HLCS: variants seen among roughly 807,000 people sequenced by gnomAD.
The protein encoded by HLCS is holocarboxylase synthetase, also known as biotin--protein ligase.
HLCS carries 53 observed loss-of-function variants against 75.0 expected under a neutral mutation model. The observed-to-expected ratio is 0.71, with a 90% CI of 0.57 to 0.89. The LOEUF is 0.89. HLCS is among the 40% of genes least tolerant of loss of function. The pLI is 0.00. For missense variants in HLCS, 966 were observed against 1,074.0 expected (o/e 0.90, Z 1.41); for synonymous variants, 431 against 428.6 (o/e 1.01, Z -0.07).
At chr21:36,951,823 T>G (rs1410480617) in intron 2 of HLCS, among the ~76,000 whole-genome samples, 1 of 152,252 alleles carries the variant, frequency 6.6e-6, no homozygotes, top group African/African-American at 2.4e-5. Flanking sequence ...TATTGAAAAC[T>G]GAGCTGAATC....
intron 7 of HLCS, 63 bp from the exon 8 acceptor site, chr21:36,765,235 T>C: frequency 6.8e-7 from 1 of 1,478,040 alleles, no homozygotes; most frequent in Non-Finnish European, 9.5e-7. Context: ...CAGACACACG[T>C]CATGCCAGGG....
chr21:36,822,524 A>C (rs2061877804), intron 6 of HLCS, among the ~76,000 whole-genome samples: 1 of 152,166 alleles, frequency 6.6e-6, no homozygotes, highest in African/African-American at 2.4e-5. Flanking sequence ...TTTTTAAATA[A>C]ACTTTTATTT....
At chr21:36,928,105 G>A (rs182835735) in intron 5 of HLCS, among the ~76,000 whole-genome samples, 12 of 152,316 alleles carry the variant, frequency 7.9e-5, no homozygotes, top group Admixed American at 2.6e-4. Context: ...GTGACTAGAT[G>A]CAGGAGGAAT....
At chr21:36,778,761 T>C (rs945636175) in intron 6 of HLCS, among the ~76,000 whole-genome samples, 1 of 152,254 alleles carries the variant, frequency 6.6e-6, no homozygotes, top group African/African-American at 2.4e-5. Context: ...CAGTAGATTG[T>C]ATGCCTTCCT....
In HLCS at chr21:36,936,432, C is replaced by T. The variant is rs1057520955; in HGVS notation, c.1437+17G>A. 3 of 1,600,738 alleles carry T rather than the reference C, an allele frequency of 1.9e-6. No homozygotes were observed. Among genetic ancestry groups the T allele is most frequent in the South Asian group, 1.1e-5 (1 of 90,864 alleles). On this transcript the variant is annotated intron_variant, in intron 4 of 10. Coordinates refer to ENST00000674895, the MANE Select transcript of HLCS (RefSeq NM_001352514.2). ...ACAGATACCCAAAGATCACCAAATC[C>T]ATGCTGCCCTGAGTACCTGGCAAAG...
chr21:36,822,386 T>C (rs2061872092), intron 6 of HLCS, among the ~76,000 whole-genome samples: 1 of 151,980 alleles, frequency 6.6e-6, no homozygotes, highest in Non-Finnish European at 1.5e-5. Flanking sequence ...CAGCACTGTG[T>C]GACGCAGTGA....
Position 36,936,543 on chromosome 21 carries a change from CCGGGGCTGAGCCGGA to C in HLCS, c.1328_1342del (p.Val443_Pro447del). 2.5e-6 allele frequency: 4 copies of C among 1,614,204 alleles called. No individual in the cohort carries two copies. Among genetic ancestry groups the C allele is most frequent in the Non-Finnish European group, 3.4e-6 (4 of 1,180,028 alleles). ...ATTCTCCAGGTGGCCCTGGAGCCTG[CCGGGGCTGAGCCGGA>C]CGGGGCCTTCCTGGTACCTGCAGCC... On this transcript the variant is annotated inframe_deletion, in exon 4 of 11. Coordinates refer to ENST00000674895, the MANE Select transcript of HLCS (RefSeq NM_001352514.2).
chr21:36,883,237 C>T (rs7283004), intron 6 of HLCS, among the ~76,000 whole-genome samples: 8,310 of 152,242 alleles, frequency 0.055, 745 homozygotes, highest in African/African-American at 0.19. Flanking sequence ...TCAACTCTCA[C>T]CTCCAAAGCA....
intron 6 of HLCS, among the ~76,000 whole-genome samples, chr21:36,792,742 C>T (rs1281239424): frequency 6.6e-6 from 1 of 152,154 alleles, no homozygotes; most frequent in Non-Finnish European, 1.5e-5. Flanking sequence ...AGCCAACAAC[C>T]TGTGTCTCAC....
chr21:36,935,670 C>A (rs1450090951), intron 4 of HLCS, among the ~76,000 whole-genome samples: 6 of 152,108 alleles, frequency 3.9e-5, no homozygotes, highest in Non-Finnish European at 8.8e-5. Flanking sequence ...TAATGAAAAC[C>A]TTTTCCCCTA....
chr21:36,928,256 T>A (rs1362471827), intron 5 of HLCS, among the ~76,000 whole-genome samples: 1 of 152,126 alleles, frequency 6.6e-6, no homozygotes, highest in African/African-American at 2.4e-5. Flanking sequence ...TACAGCAGAT[T>A]CAAGGACACC....
intron 6 of HLCS, among the ~76,000 whole-genome samples, chr21:36,797,395 T>G (rs2061059340): frequency 6.6e-6 from 1 of 151,686 alleles, no homozygotes; most frequent in South Asian, 2.1e-4. Context: ...TATTTATTTT[T>G]TATTAACATT....
intron 3 of HLCS, among the ~76,000 whole-genome samples, chr21:36,938,513 T>C (rs1317372311): frequency 6.6e-6 from 1 of 152,218 alleles, no homozygotes; most frequent in South Asian, 2.1e-4. Context: ...TGTCCCACTA[T>C]GATAAAAACA....
intron 6 of HLCS, among the ~76,000 whole-genome samples, chr21:36,858,898 C>T (rs1222169800): frequency 2.0e-4 from 31 of 152,218 alleles, no homozygotes; most frequent in Non-Finnish European, 1.2e-4. Context: ...CATCCCCTCC[C>T]CAGGCTTGGG....
intron 6 of HLCS, among the ~76,000 whole-genome samples, chr21:36,878,722 A>G (rs2064083668): frequency 6.6e-6 from 1 of 152,238 alleles, no homozygotes; most frequent in South Asian, 2.1e-4. Context: ...AGAATTGTCA[A>G]GAGTTAGACA....
intron 6 of HLCS, among the ~76,000 whole-genome samples, chr21:36,826,539 A>T (rs2062014364): frequency 6.6e-6 from 1 of 152,220 alleles, no homozygotes; most frequent in Non-Finnish European, 1.5e-5. Context: ...GGTAAAAAGT[A>T]GCTGCATTAA....
intron 10 of HLCS, among the ~76,000 whole-genome samples, chr21:36,754,959 A>G (rs1377949536): frequency 5.3e-5 from 8 of 152,250 alleles, no homozygotes; most frequent in Non-Finnish European, 8.8e-5. Context: ...AGAATTTTAA[A>G]TCTAAAGAAA....
At chr21:36,937,880 TAA>T (rs1813232064) in intron 3 of HLCS, among the ~76,000 whole-genome samples, 1 of 152,218 alleles carries the variant, frequency 6.6e-6, no homozygotes, top group Non-Finnish European at 1.5e-5. Context: ...GACTGGAACA[TAA>T]GTTGACAATC....
chr21:36,811,079 C>T (rs546513965), intron 6 of HLCS, among the ~76,000 whole-genome samples: 96 of 152,080 alleles, frequency 6.3e-4, no homozygotes, highest in South Asian at 5.8e-3. Context: ...ATGTACAACA[C>T]GTTTTGAAGT....
Sources: allele counts gnomAD v4.1 joint callset (sites outside exome capture counted in the v4.1 genomes callset), GRCh38; gene constraint gnomAD v4.1.1; transcripts MANE v1.5; gene names NCBI Gene and HGNC (gene_info 2026-07-23, HGNC 2026-07-21).